The following NLGN1 variants were observed in gnomAD, a reference collection of about 807,000 sequenced individuals.
NLGN1 encodes neuroligin 1.
NLGN1 carries 12 observed loss-of-function variants against 65.5 expected under a neutral mutation model. That is an observed-to-expected ratio of 0.18 (90% CI 0.12 to 0.30). NLGN1 has a LOEUF of 0.30. NLGN1 is among the 10% of genes least tolerant of loss of function. The probability of loss-of-function intolerance (pLI) is 1.00; values close to 1 mark genes in which losing one functional copy is unlikely to be tolerated. For missense variants in NLGN1, 750 were observed against 1,007.1 expected, an observed-to-expected ratio of 0.74 and a Z score of 3.46; for synonymous variants, 350 against 359.5, an observed-to-expected ratio of 0.97 and a Z score of 0.30.
chr3:174,196,820 G>A (rs763555253), intron 4 of NLGN1, among the ~76,000 whole-genome samples: 8 of 152,048 alleles, frequency 5.3e-5, no homozygotes, highest in Non-Finnish European at 1.0e-4. Flanking sequence ...CTTTGCATAC[G>A]CCAAGATTGT....
At chr3:173,622,678 C>T (rs1324223952) in intron 3 of NLGN1, among the ~76,000 whole-genome samples, 1 of 151,856 alleles carries the variant, frequency 6.6e-6, no homozygotes, top group African/African-American at 2.4e-5. Context: ...AGGACTGCAT[C>T]GGAGAAGTGG....
chr3:173,430,669 G>A (rs902359719), intron 1 of NLGN1, among the ~76,000 whole-genome samples: 13 of 152,166 alleles, frequency 8.5e-5, no homozygotes, highest in Admixed American at 5.9e-4. Flanking sequence ...AAGTGTTTGC[G>A]TTATGAGGGA....
At chr3:174,204,671 T>C (rs1481414017) in intron 4 of NLGN1, among the ~76,000 whole-genome samples, 1 of 152,248 alleles carries the variant, frequency 6.6e-6, no homozygotes, top group Non-Finnish European at 1.5e-5. Flanking sequence ...TTATAGAAGA[T>C]TGTGGTCTTT....
At chr3:173,738,330 G>A (rs898617726) in intron 3 of NLGN1, among the ~76,000 whole-genome samples, 71 of 151,914 alleles carry the variant, frequency 4.7e-4, no homozygotes, top group African/African-American at 1.6e-3. Flanking sequence ...TCTAGACCAA[G>A]GTTGTGAAAT....
chr3:174,224,956 C>T (rs1307404484), intron 4 of NLGN1, among the ~76,000 whole-genome samples: 1 of 152,112 alleles, frequency 6.6e-6, no homozygotes, highest in Non-Finnish European at 1.5e-5. Context: ...GGAGTTTAGT[C>T]CAAAGGAAAA....
intron 4 of NLGN1, among the ~76,000 whole-genome samples, chr3:174,187,948 G>C (rs1007808463): frequency 6.6e-6 from 1 of 152,004 alleles, no homozygotes; most frequent in African/African-American, 2.4e-5. Flanking sequence ...TTAGCACATA[G>C]TAAGTACTCA....
At chr3:174,230,628 T>A (rs1740536678) in intron 4 of NLGN1, among the ~76,000 whole-genome samples, 1 of 152,146 alleles carries the variant, frequency 6.6e-6, no homozygotes, top group Non-Finnish European at 1.5e-5. Flanking sequence ...TGGTCTAATG[T>A]ACAGAAATAG....
intron 4 of NLGN1, among the ~76,000 whole-genome samples, chr3:174,229,203 A>G (rs1440612039): frequency 6.6e-6 from 1 of 152,124 alleles, no homozygotes; most frequent in African/African-American, 2.4e-5. Context: ...GACTTATAAC[A>G]AGATCAAGTA....
chr3:174,151,061 C>T (rs762010710), intron 4 of NLGN1, among the ~76,000 whole-genome samples: 15 of 151,732 alleles, frequency 9.9e-5, no homozygotes, highest in Non-Finnish European at 1.6e-4. Flanking sequence ...CTCTACAGCT[C>T]ACATAATCCC....
At chr3:173,406,959 ACAATT>A (rs1304991983) in intron 1 of NLGN1, among the ~76,000 whole-genome samples, 1 of 152,154 alleles carries the variant, frequency 6.6e-6, no homozygotes, top group Non-Finnish European at 1.5e-5. Flanking sequence ...CTCTCATAAT[ACAATT>A]AAGATATCAA....
chr3:174,076,983 GTATGTT>G (rs1002690269), intron 4 of NLGN1, among the ~76,000 whole-genome samples: 2 of 152,068 alleles, frequency 1.3e-5, no homozygotes, highest in African/African-American at 4.8e-5. Flanking sequence ...GCAGCTCCAA[GTATGTT>G]CAGCTTGTGA....
chr3:173,429,701 C>T (rs1352514392), intron 1 of NLGN1, among the ~76,000 whole-genome samples: 1 of 152,176 alleles, frequency 6.6e-6, no homozygotes, highest in Non-Finnish European at 1.5e-5. Flanking sequence ...ACACTGCCTC[C>T]TTTTCTGCAC....
intron 2 of NLGN1, among the ~76,000 whole-genome samples, chr3:173,526,971 C>T (rs1161309375): frequency 6.6e-6 from 1 of 152,054 alleles, no homozygotes; most frequent in African/African-American, 2.4e-5. Context: ...GTATATGTAC[C>T]ACACTTTCTT....
At chr3:174,086,387 TTTAA>T (rs1743404195) in intron 4 of NLGN1, among the ~76,000 whole-genome samples, 1 of 138,994 alleles carries the variant, frequency 7.2e-6, no homozygotes, top group Non-Finnish European at 1.5e-5. Context: ...ACAAATACTT[TTTAA>T]TTTTTTTGCC....
chr3:173,816,454 A>C (rs1470008779), intron 4 of NLGN1, among the ~76,000 whole-genome samples: 3 of 152,202 alleles, frequency 2.0e-5, no homozygotes, highest in Admixed American at 1.3e-4. Flanking sequence ...TACTGATGTC[A>C]TTGCCTTATC....
chr3:173,632,541 A>G (rs928572463), intron 3 of NLGN1, among the ~76,000 whole-genome samples: 34 of 152,312 alleles, frequency 2.2e-4, no homozygotes, highest in Middle Eastern at 3.4e-3. Context: ...TAAGTGCAGC[A>G]GAAAAAAATG....
At chr3:174,110,533 T>C (rs780422011) in intron 4 of NLGN1, among the ~76,000 whole-genome samples, 3 of 151,960 alleles carry the variant, frequency 2.0e-5, no homozygotes, top group Non-Finnish European at 2.9e-5. Flanking sequence ...TTTAAGTACA[T>C]TGTAAAAATT....
At chr3:173,574,298 C>T (rs1745161308) in intron 2 of NLGN1, among the ~76,000 whole-genome samples, 1 of 151,686 alleles carries the variant, frequency 6.6e-6, no homozygotes, top group East Asian at 1.9e-4. Flanking sequence ...CTTTTGATAA[C>T]TAAAGTATAG....
At chr3:174,205,354 A>G (rs1449836944) in intron 4 of NLGN1, among the ~76,000 whole-genome samples, 1 of 152,034 alleles carries the variant, frequency 6.6e-6, no homozygotes, top group Non-Finnish European at 1.5e-5. Flanking sequence ...TTAGATTTGC[A>G]TTACTCACTC....
Sources: gnomAD v4.1 joint callset for allele counts (sites outside exome capture counted in the v4.1 genomes callset) on GRCh38, gnomAD v4.1.1 for gene constraint, MANE v1.5 for transcripts, NCBI Gene and HGNC (gene_info 2026-07-23, HGNC 2026-07-21) for gene names.